Variants in LUZP2 observed in about 807,000 individuals in gnomAD.
The protein encoded by LUZP2 is leucine zipper protein 2.
In LUZP2, 52 loss-of-function variants were observed where a neutral mutation model predicts 51.6. The ratio of observed to expected loss-of-function variants is 1.01; its 90% CI spans 0.81 to 1.27. The LOEUF (loss-of-function observed/expected upper bound fraction) is 1.27. Ranked by LOEUF, LUZP2 falls within the 50% of genes most tolerant of loss-of-function variation. LUZP2 has a pLI of 0.00. For synonymous variants in LUZP2, 154 were observed against 137.3 expected, an observed-to-expected ratio of 1.12 and a Z score of -0.85; for missense variants, 436 against 395.4, an observed-to-expected ratio of 1.10 and a Z score of -0.87.
At chr11:25,076,910 G>A (rs898754441) in intron 10 of LUZP2, among the ~76,000 whole-genome samples, 5 of 152,052 alleles carry the variant, frequency 3.3e-5, no homozygotes, top group African/African-American at 1.2e-4. Context: ...AGACAGATTG[G>A]TGGTCACATT....
At chr11:25,049,827 A>G (rs1194880672) in intron 9 of LUZP2, among the ~76,000 whole-genome samples, 1 of 152,106 alleles carries the variant, frequency 6.6e-6, no homozygotes, top group Middle Eastern at 3.2e-3. Context: ...AATATAATTT[A>G]TTTATTTAAT....
chr11:24,743,341 T>A (rs1182639667), intron 4 of LUZP2, among the ~76,000 whole-genome samples: 1 of 152,162 alleles, frequency 6.6e-6, no homozygotes, highest in Non-Finnish European at 1.5e-5. Flanking sequence ...TGTTTCCATT[T>A]GTTTGTGTCA....
chr11:24,499,595 A>C (rs1849927123), intron 1 of LUZP2, among the ~76,000 whole-genome samples: 1 of 152,170 alleles, frequency 6.6e-6, no homozygotes, highest in Non-Finnish European at 1.5e-5. Context: ...TTTCTTAGTC[A>C]GTAGTCCTGT....
At chr11:24,925,076 G>T (rs1398261408) in intron 7 of LUZP2, among the ~76,000 whole-genome samples, 2 of 152,078 alleles carry the variant, frequency 1.3e-5, no homozygotes, top group African/African-American at 2.4e-5. Flanking sequence ...AGACAGCTTT[G>T]CATGGCCATT....
At chr11:24,926,132 G>A (rs980247241) in intron 7 of LUZP2, among the ~76,000 whole-genome samples, 4 of 150,598 alleles carry the variant, frequency 2.7e-5, no homozygotes, top group African/African-American at 9.8e-5. Flanking sequence ...ACATACCTAT[G>A]GAACCAGCCC....
intron 1 of LUZP2, among the ~76,000 whole-genome samples, chr11:24,622,232 A>G: frequency 7.1e-6 from 1 of 140,444 alleles, no homozygotes; most frequent in Non-Finnish European, 1.6e-5. Flanking sequence ...GCACCCATTA[A>G]CTCGTCATTT....
chr11:24,652,119 TG>T (rs1855646147), intron 1 of LUZP2, among the ~76,000 whole-genome samples: 2 of 152,004 alleles, frequency 1.3e-5, no homozygotes, highest in Non-Finnish European at 2.9e-5. Flanking sequence ...TGTTTGTGTG[TG>T]TGTGTGTGCG....
At chr11:25,072,954 G>T (rs572983190) in intron 10 of LUZP2, among the ~76,000 whole-genome samples, 1 of 152,140 alleles carries the variant, frequency 6.6e-6, no homozygotes, top group East Asian at 1.9e-4. Context: ...GGTATGGCAG[G>T]ATCTTTATTG....
At chr11:24,906,155 T>C in intron 6 of LUZP2, 102 bp downstream of exon 6, 1 of 616,064 alleles carries the variant, frequency 1.6e-6, no homozygotes, top group Non-Finnish European at 2.8e-6. Context: ...TTCCTCCTAA[T>C]ACAAATGCCA....
intron 5 of LUZP2, among the ~76,000 whole-genome samples, chr11:24,825,471 T>A (rs906172675): frequency 2.0e-5 from 3 of 152,152 alleles, no homozygotes; most frequent in Non-Finnish European, 4.4e-5. Context: ...TTTAATCTGG[T>A]CTTCAGTGTC....
intron 5 of LUZP2, among the ~76,000 whole-genome samples, chr11:24,854,154 G>A (rs183818029): frequency 1.3e-3 from 196 of 152,332 alleles, no homozygotes; most frequent in African/African-American, 4.5e-3. Context: ...CACTGTGCTG[G>A]GAGATCTGCT....
intron 5 of LUZP2, among the ~76,000 whole-genome samples, chr11:24,862,109 A>G (rs1336538438): frequency 6.6e-6 from 1 of 151,992 alleles, no homozygotes; most frequent in African/African-American, 2.4e-5. Flanking sequence ...AGATTCTCCA[A>G]GGTCAAAATG....
chr11:24,957,969 T>A (rs1293803937), intron 7 of LUZP2, among the ~76,000 whole-genome samples: 2 of 152,206 alleles, frequency 1.3e-5, no homozygotes, highest in Admixed American at 1.3e-4. Flanking sequence ...TTCTCATTGT[T>A]CAGTTCCCAC....
At chr11:24,574,243 T>G (rs1464276339) in intron 1 of LUZP2, among the ~76,000 whole-genome samples, 1 of 2,010 alleles carries the variant, frequency 5.0e-4, no homozygotes, top group African/African-American at 8.8e-4. Context: ...TTTCTTTCTT[T>G]CTTTCTTTCT....
rs893132242 is a variant in LUZP2, at chr11:24,945,264, G to C, written c.522+30726G>C. Among the ~76,000 whole-genome samples the C allele has an allele frequency of 5.3e-5, 8 of 152,174 alleles. No individual in the cohort carries two copies. The East Asian group carries it at 5.8e-4, about 11-fold the overall frequency. On this transcript the variant is annotated intron_variant, in intron 7 of 11. Coordinates refer to ENST00000336930, the MANE Select transcript of LUZP2 (RefSeq NM_001009909.4). ...AAAGTAGGTGATCTTACTTATTCTG[G>C]AACTCAGAAGCCCACAATAAGATAC...
At chr11:25,056,922 A>C (rs1590883527) in intron 10 of LUZP2, among the ~76,000 whole-genome samples, 1 of 152,058 alleles carries the variant, frequency 6.6e-6, no homozygotes, top group African/African-American at 2.4e-5. Flanking sequence ...AACATGGTGA[A>C]ACCCCATCTC....
intron 5 of LUZP2, among the ~76,000 whole-genome samples, chr11:24,788,440 G>T (rs1028983935): frequency 6.6e-6 from 1 of 151,460 alleles, no homozygotes; most frequent in African/African-American, 2.4e-5. Context: ...CACCCACCTC[G>T]GCCTCCCAAA....
At chr11:24,651,908 A>G (rs1052229166) in intron 1 of LUZP2, among the ~76,000 whole-genome samples, 1 of 152,016 alleles carries the variant, frequency 6.6e-6, no homozygotes, top group African/African-American at 2.4e-5. Context: ...TACCTTGTGA[A>G]TTTTGGATGT....
In LUZP2 at chr11:24,691,487, T is replaced by TA. The variant is rs1279447877; in HGVS notation, c.63-37682_63-37681insA. Among the ~76,000 whole-genome samples the TA allele has an allele frequency of 2.0e-5, 3 of 151,598 alleles. No individual in the cohort carries two copies. In the Admixed American group the frequency reaches 2.0e-4, roughly 10 times the overall value. On this transcript the variant is annotated intron_variant, in intron 1 of 11. Transcript: ENST00000336930. ...TTCCCTCATATTCTGTTTTTTTTTT[T>TA]TTCAAAGTAACCCCTGTATTTCAAG...
Sources: gnomAD v4.1 joint callset for allele counts (sites outside exome capture counted in the v4.1 genomes callset) on GRCh38, gnomAD v4.1.1 for gene constraint, MANE v1.5 for transcripts, NCBI Gene and HGNC (gene_info 2026-07-23, HGNC 2026-07-21) for gene names.